The following SORCS2 variants were observed in gnomAD, a reference collection of about 807,000 sequenced individuals.
SORCS2 encodes the protein sortilin related VPS10 domain containing receptor 2.
SORCS2 carries 100 observed loss-of-function variants against 141.6 expected under a neutral mutation model. The ratio of observed to expected loss-of-function variants is 0.71; its 90% confidence interval spans 0.60 to 0.83. The LOEUF (loss-of-function observed/expected upper bound fraction) is 0.83. Among genes scored for constraint, SORCS2 ranks in the 40% least tolerant of loss-of-function variants. The pLI, the probability that SORCS2 is intolerant of heterozygous loss-of-function variation, is 0.00. For synonymous variants in SORCS2, 789 were observed against 676.9 expected (o/e 1.17, Z -2.57); for missense variants, 1,646 against 1,560.2 (o/e 1.05, Z -0.93).
chr4:7,454,515 A>G (rs866282641), intron 2 of SORCS2, among the ~76,000 whole-genome samples: 119 of 67,448 alleles, frequency 1.8e-3, no homozygotes, highest in African/African-American at 2.4e-3. Context: ...TTGGGGTCAG[A>G]TGCTGTGTTG....
chr4:7,462,388 G>C (rs980914090), intron 2 of SORCS2, among the ~76,000 whole-genome samples: 3 of 152,194 alleles, frequency 2.0e-5, no homozygotes, highest in Non-Finnish European at 4.4e-5. Context: ...GACGGGCTTC[G>C]GGAGGCTGGG....
intron 1 of SORCS2, among the ~76,000 whole-genome samples, chr4:7,386,350 C>G (rs1398199206): frequency 8.4e-6 from 1 of 118,854 alleles, no homozygotes; most frequent in African/African-American, 3.4e-5. Context: ...CACATGAACA[C>G]ATGCACACAC....
At chr4:7,276,552 T>TGCCGCTTCCTGCCTCC (rs1346529524) in intron 1 of SORCS2, among the ~76,000 whole-genome samples, 2 of 152,130 alleles carry the variant, frequency 1.3e-5, no homozygotes, top group Non-Finnish European at 2.9e-5. Context: ...CCCTTATTGC[T>TGCCGCTTCCTGCCTCC]GCCGCTTCCT....
intron 1 of SORCS2, among the ~76,000 whole-genome samples, chr4:7,252,338 G>T (rs1713561395): frequency 6.6e-6 from 1 of 152,170 alleles, no homozygotes; most frequent in Admixed American, 6.5e-5. Flanking sequence ...CCAGGTGTGG[G>T]CAGGATGGGC....
intron 1 of SORCS2, among the ~76,000 whole-genome samples, chr4:7,325,715 G>A (rs1337548747): frequency 1.3e-5 from 2 of 152,208 alleles, no homozygotes; most frequent in African/African-American, 4.8e-5. Flanking sequence ...TCTCAGATGA[G>A]GGAATCAAGT....
At chr4:7,235,727 AG>A (rs1373130511) in intron 1 of SORCS2, among the ~76,000 whole-genome samples, 1 of 152,172 alleles carries the variant, frequency 6.6e-6, no homozygotes, top group East Asian at 1.9e-4. Context: ...GTGCTGCCTG[AG>A]TCTATCCATG....
At chr4:7,337,587 A>T (rs1419790179) in intron 1 of SORCS2, among the ~76,000 whole-genome samples, 2 of 152,190 alleles carry the variant, frequency 1.3e-5, no homozygotes, top group African/African-American at 2.4e-5. Flanking sequence ...GGCTGGTGGT[A>T]GTAGGCCATG....
At chr4:7,560,128 G>A (rs901589106) in intron 3 of SORCS2, among the ~76,000 whole-genome samples, 2 of 152,190 alleles carry the variant, frequency 1.3e-5, no homozygotes, top group Admixed American at 6.5e-5. Flanking sequence ...GAAAAATGCC[G>A]GCTGCCAAGC....
At chr4:7,538,239 A>G (rs1190600066) in intron 3 of SORCS2, among the ~76,000 whole-genome samples, 1 of 152,210 alleles carries the variant, frequency 6.6e-6, no homozygotes, top group African/African-American at 2.4e-5. Flanking sequence ...AACCTGTCTT[A>G]GGGAATGAAT....
chr4:7,197,289 A>G (rs1175290876), intron 1 of SORCS2, among the ~76,000 whole-genome samples: 2 of 152,252 alleles, frequency 1.3e-5, no homozygotes, highest in African/African-American at 4.8e-5. Flanking sequence ...GCTTCCAAAT[A>G]CAGTCACATT....
intron 1 of SORCS2, among the ~76,000 whole-genome samples, chr4:7,389,159 C>T (rs903906822): frequency 2.0e-5 from 3 of 152,218 alleles, no homozygotes; most frequent in Non-Finnish European, 4.4e-5. Flanking sequence ...TGCGCTCTTT[C>T]CCTCAGTCCC....
intron 1 of SORCS2, among the ~76,000 whole-genome samples, chr4:7,223,764 G>A (rs889812916): frequency 6.6e-6 from 1 of 152,158 alleles, no homozygotes; most frequent in Non-Finnish European, 1.5e-5. Flanking sequence ...AAGGGCATCT[G>A]GGAAGATGCC....
chr4:7,296,458 A>G (rs1717063125), intron 1 of SORCS2, among the ~76,000 whole-genome samples: 2 of 152,206 alleles, frequency 1.3e-5, no homozygotes, highest in African/African-American at 4.8e-5. Flanking sequence ...AATCACGGGC[A>G]GGGTGGCAGA....
chr4:7,252,926 C>T (rs1308002120), intron 1 of SORCS2, among the ~76,000 whole-genome samples: 2 of 152,196 alleles, frequency 1.3e-5, no homozygotes, highest in Non-Finnish European at 2.9e-5. Context: ...GGGTACGTGG[C>T]GTTATCTCTG....
intron 1 of SORCS2, among the ~76,000 whole-genome samples, chr4:7,274,416 T>C (rs1715350987): frequency 6.6e-6 from 1 of 152,142 alleles, no homozygotes; most frequent in African/African-American, 2.4e-5. Flanking sequence ...TTGCAGGCTG[T>C]ACAGGAAGCA....
At chr4:7,227,318 C>T (rs376786387) in intron 1 of SORCS2, among the ~76,000 whole-genome samples, 21 of 152,342 alleles carry the variant, frequency 1.4e-4, no homozygotes, top group Admixed American at 6.5e-4. Context: ...TGCTTATCAC[C>T]GCTGGCCCTG....
rs35369780 is a variant in SORCS2, at chr4:7,663,074, ATGAG to A, written c.953-1263_953-1260del. Among the ~76,000 whole-genome samples the A allele has an allele frequency of 1.1e-4, 17 of 151,378 alleles. No individual in the cohort carries two copies. Among genetic ancestry groups the A allele is most frequent in the South Asian group, 8.4e-4 (4 of 4,766 alleles). On this transcript the variant is annotated intron_variant, in intron 6 of 26. Transcript: ENST00000507866. This position sits in a 1 kb window ranked among gnomAD's most constrained non-coding sequence, Gnocchi z 4.8. ...AATGATTGAGTGAAAGAGTGGGTGA[ATGAG>A]TGAGTGAGTGAGTGAATGAGTAAGT...
chr4:7,620,955 C>G (rs1248183955), intron 3 of SORCS2, among the ~76,000 whole-genome samples: 1 of 152,152 alleles, frequency 6.6e-6, no homozygotes, highest in East Asian at 1.9e-4. Flanking sequence ...CCTTCTCCTG[C>G]TGCGACCCCT....
chr4:7,583,020 TGAA>T (rs35727467), intron 3 of SORCS2, among the ~76,000 whole-genome samples: 70,882 of 151,754 alleles, frequency 0.47, 17,681 homozygotes, highest in Non-Finnish European at 0.56. Flanking sequence ...TTTGTTGAAA[TGAA>T]GAAAATTGGG....
Sources: gnomAD v4.1 joint callset for allele counts (sites outside exome capture counted in the v4.1 genomes callset) on GRCh38, gnomAD v4.1.1 for gene constraint, Gnocchi (gnomAD v3.1) non-coding constraint, MANE v1.5 for transcripts, NCBI Gene and HGNC (gene_info 2026-07-23, HGNC 2026-07-21) for gene names.